The following PEX19 variants were observed in gnomAD, a reference collection of about 807,000 sequenced individuals.
The protein encoded by PEX19 is 33 kDa housekeeping protein.
In PEX19, 29 loss-of-function variants were observed where a neutral mutation model predicts 36.3. The observed-to-expected ratio is 0.80, with a 90% CI of 0.60 to 1.09. PEX19 has a LOEUF of 1.09. Among genes scored for constraint, PEX19 ranks in the 50% least tolerant of loss-of-function variants. PEX19 has a pLI of 0.00. For missense variants in PEX19, 396 were observed against 368.1 expected (o/e 1.08, Z -0.62); for synonymous variants, 141 against 135.2 (o/e 1.04, Z -0.30).
In PEX19 at chr1:160,277,057, G is replaced by C; in HGVS notation, c.*2494C>G. On this transcript the variant is annotated 3_prime_UTR_variant, in exon 8 of 8. Transcript: ENST00000368072. The stretch of plus-strand genomic sequence containing the variant: ...GTGACACATTCTTGCTGAAGAACAA[G>C]TTCTCTGGAAGTGAAACTCAAATAG... The C allele has an allele frequency of 4.4e-6, 2 of 454,072 alleles. No homozygotes were observed. Among genetic ancestry groups the C allele is most frequent in the East Asian group, 6.9e-5 (1 of 14,396 alleles). 28.1% of individuals were successfully genotyped at this position (454,072 alleles called of 1,614,324 possible). A position where few individuals can be genotyped will look rare whatever the true frequency, so the allele number is the denominator to read the frequency against.
rs1308718029 is a variant in PEX19 at position 160,279,360 on chromosome 1, T to C, written c.*191A>G. The C allele has an allele frequency of 5.7e-6, 4 of 697,324 alleles. No homozygotes were observed. Among genetic ancestry groups the C allele is most frequent in the Non-Finnish European group, 1.0e-5 (4 of 383,142 alleles). The allele number at this position is 697,324 out of a possible 1,614,324, so 43.2% of individuals were successfully genotyped here. On this transcript the variant is annotated 3_prime_UTR_variant, in exon 8 of 8. Transcript: ENST00000368072. ...TGGAGTAGGGTTCACAGAAATGGCCTGTGAAACAGACCCTATTCCTAGAGA... is the reference window on the plus strand; with the variant it reads ...TGGAGTAGGGTTCACAGAAATGGCCCGTGAAACAGACCCTATTCCTAGAGA...
At chr1:160,280,317 T>A in intron 5 of PEX19, 71 bp from the exon 6 acceptor site, 1 of 1,389,348 alleles carries the variant, frequency 7.2e-7, no homozygotes, top group Non-Finnish European at 1.0e-6. Flanking sequence ...CAGAACAATG[T>A]GATTAAAATG....
At chr1:160,283,508 C>A in intron 2 of PEX19, 22 bp downstream of exon 2, 1 of 1,555,432 alleles carries the variant, frequency 6.4e-7, no homozygotes, top group Non-Finnish European at 8.9e-7. Flanking sequence ...CTCCCCATCC[C>A]TTAAGGGGGT....
In PEX19 at chr1:160,276,844, A is replaced by G. The variant is rs1264189670; in HGVS notation, c.*2707T>C. 1 of 398,804 alleles carries G rather than the reference A, an allele frequency of 2.5e-6. No homozygotes were observed. The highest frequency in any genetic ancestry group is 4.9e-6 in the Non-Finnish European group (1 of 203,602). The allele number at this position is 398,804 out of a possible 1,614,324, so 24.7% of individuals were successfully genotyped here. ...AAAAGTCTGTATTAATTCAATTCTT[A>G]ATTCATGAAGCCACCCATACAATCA... On this transcript the variant is annotated 3_prime_UTR_variant, in exon 8 of 8. Coordinates refer to ENST00000368072, the MANE Select transcript of PEX19 (RefSeq NM_002857.4).
chr1:160,278,884 AG>A lies in PEX19; in HGVS notation c.*666del, dbSNP rs1398473543. 2 of 454,054 alleles carry A rather than the reference AG, an allele frequency of 4.4e-6. No homozygotes were observed. The highest frequency in any genetic ancestry group is 2.3e-5 in the Admixed American group (1 of 42,578). The allele number at this position is 454,054 out of a possible 1,614,324, so 28.1% of individuals were successfully genotyped here. Reference sequence around the variant, plus strand: ...GTTCACCCATATCACACAGCATTGTAGGAAGAAGCAGGGTAACCATTTGAGT... The same window carrying A: ...GTTCACCCATATCACACAGCATTGTAGAAGAAGCAGGGTAACCATTTGAGT... On this transcript the variant is annotated 3_prime_UTR_variant, in exon 8 of 8. Transcript: ENST00000368072.
chr1:160,283,851 G>T (rs1182759851), intron 1 of PEX19, among the ~76,000 whole-genome samples: 1 of 152,182 alleles, frequency 6.6e-6, no homozygotes, highest in East Asian at 1.9e-4. Context: ...CAAAGGCAAA[G>T]AAATCCCTTA....
In PEX19 at chr1:160,278,521, T is replaced by G; in HGVS notation, c.*1030A>C. Reference sequence around the variant, plus strand: ...TTATTATATTCTGCCCCATGGGGCCTTGCAGGAAAAGGGACCCAAGCTATA... The same window carrying G: ...TTATTATATTCTGCCCCATGGGGCCGTGCAGGAAAAGGGACCCAAGCTATA... On this transcript the variant is annotated 3_prime_UTR_variant, in exon 8 of 8. Coordinates refer to ENST00000368072, the MANE Select transcript of PEX19 (RefSeq NM_002857.4). 4.2e-6 allele frequency: 2 copies of G among 478,294 alleles called. No individual in the cohort carries two copies. The highest frequency in any genetic ancestry group is 8.2e-6 in the Non-Finnish European group (2 of 243,444). The allele number at this position is 478,294 out of a possible 1,614,324, so 29.6% of individuals were successfully genotyped here.
chr1:160,277,756 A>C lies in PEX19; in HGVS notation c.*1795T>G. ...CTTTTGTTCTTCCCTCCTCCTCTCTATCCTTGTCCAGTTTTTGGCTGGAGC... is the reference window on the plus strand; with the variant it reads ...CTTTTGTTCTTCCCTCCTCCTCTCTCTCCTTGTCCAGTTTTTGGCTGGAGC... On this transcript the variant is annotated 3_prime_UTR_variant, in exon 8 of 8. Coordinates refer to ENST00000368072, the MANE Select transcript of PEX19 (RefSeq NM_002857.4). 1 of 469,242 alleles carries C rather than the reference A, an allele frequency of 2.1e-6. No homozygotes were observed. Among genetic ancestry groups the C allele is most frequent in the Non-Finnish European group, 4.2e-6 (1 of 237,332 alleles). The allele number at this position is 469,242 out of a possible 1,614,324, so 29.1% of individuals were successfully genotyped here. A position where few individuals can be genotyped will look rare whatever the true frequency, so the allele number is the denominator to read the frequency against.
At position 160,279,845 on chromosome 1, in the gene PEX19, G is replaced by C. The variant is rs752093054; in HGVS notation, c.772C>G (p.Leu258Val). ...TTTGGAGGATGGCCTAAATCTTGTA[G>C]CTAGAAAATAAGGAAAATGGAACAT... ...FEMVLDLMQQLQDLGHPPKEL... is the reference protein window; with the variant it reads ...FEMVLDLMQQVQDLGHPPKEL... Residue 258 changes from leucine (L) to valine (V), a missense_variant and splice_region_variant, in exon 7 of 8, where the codon CTA (leucine) becomes GTA (valine). By Grantham distance (32) the Leu-to-Val change is conservative. Transcript: ENST00000368072. The C allele has an allele frequency of 5.6e-6, 9 of 1,611,844 alleles. No individual in the cohort carries two copies. The highest frequency in any genetic ancestry group is 7.6e-6 in the Non-Finnish European group (9 of 1,178,010).
At chr1:160,281,687 TGA>T (rs1657777578) in intron 5 of PEX19, among the ~76,000 whole-genome samples, 1 of 152,246 alleles carries the variant, frequency 6.6e-6, no homozygotes, top group Non-Finnish European at 1.5e-5. Context: ...ATTACAGGCA[TGA>T]GCCACCATGC....
Position 160,279,863 on chromosome 1 carries a change from T to C in PEX19, c.772-18A>G, listed in dbSNP as rs1657699342. The C allele has an allele frequency of 6.2e-7, 1 of 1,607,680 alleles. No individual in the cohort carries two copies. The highest frequency in any genetic ancestry group is 8.5e-7 in the Non-Finnish European group (1 of 1,174,238). On this transcript the variant is annotated intron_variant, in intron 6 of 7. Coordinates refer to ENST00000368072, the MANE Select transcript of PEX19 (RefSeq NM_002857.4). ...TCTTGTAGCTAGAAAATAAGGAAAA[T>C]GGAACATGAAATAGAGAAAAGCCCA...
chr1:160,279,729 A>C, intron 7 of PEX19, 72 bp downstream of exon 7: 1 of 1,545,758 alleles, frequency 6.5e-7, no homozygotes, highest in Non-Finnish European at 8.9e-7. Flanking sequence ...CCTTAGGTGG[A>C]ATCCTGAGAG....
chr1:160,280,340 G>A, intron 5 of PEX19, 94 bp from the exon 6 acceptor site: 1 of 1,273,040 alleles, frequency 7.9e-7, no homozygotes, highest in Non-Finnish European at 1.1e-6. Context: ...AAAGGGAAAG[G>A]GACGTAGAAA....
Position 160,282,205 on chromosome 1 carries a change from A to C in PEX19, c.433-5T>G. On this transcript the variant is annotated splice_region_variant and splice_polypyrimidine_tract_variant and intron_variant, in intron 4 of 7. Transcript: ENST00000368072. Reference sequence around the variant, plus strand: ...TTCTTCCGACATGCTGGAGTTCTAGATAGGACAAGTAAGAGGTGAGCAGGT... The same window carrying C: ...TTCTTCCGACATGCTGGAGTTCTAGCTAGGACAAGTAAGAGGTGAGCAGGT... 1 of 1,614,052 alleles carries C rather than the reference A, an allele frequency of 6.2e-7. No individual in the cohort carries two copies. The highest frequency in any genetic ancestry group is 1.1e-5 in the South Asian group (1 of 91,072).
chr1:160,278,406 G>A lies in PEX19; in HGVS notation c.*1145C>T, dbSNP rs75916849. The A allele has an allele frequency of 3.6e-4, 233 of 651,264 alleles. No individual in the cohort carries two copies. In the East Asian group the frequency reaches 6.9e-3, roughly 19 times the overall value. 40.3% of individuals were successfully genotyped at this position (651,264 alleles called of 1,614,324 possible). A position where few individuals can be genotyped will look rare whatever the true frequency, so the allele number is the denominator to read the frequency against. On this transcript the variant is annotated 3_prime_UTR_variant, in exon 8 of 8. Transcript: ENST00000368072. ...TGATGGAACCCAGCATTACAATATT[G>A]TGTAGAACTAGTCTCCTAATATACC...
At chr1:160,283,202 T>C in intron 2 of PEX19, 93 bp from the exon 3 acceptor site, 1 of 1,345,642 alleles carries the variant, frequency 7.4e-7, no homozygotes, top group Non-Finnish European at 1.1e-6. Flanking sequence ...CTATGGGAAA[T>C]GCACCTCCCT....
Position 160,282,507 on chromosome 1 carries a change from G to T in PEX19, c.347-5C>A. 6.2e-7 allele frequency: 1 copy of T among 1,611,394 alleles called. No homozygotes were observed. Among genetic ancestry groups the T allele is most frequent in the South Asian group, 1.1e-5 (1 of 91,024 alleles). ...GTTGGGAGGTCATATCACTGCCTAGGAGAGATTAAAAAAGCCAGCGTCATT... is the reference window on the plus strand; with the variant it reads ...GTTGGGAGGTCATATCACTGCCTAGTAGAGATTAAAAAAGCCAGCGTCATT... On this transcript the variant is annotated splice_region_variant and splice_polypyrimidine_tract_variant and intron_variant, in intron 3 of 7. Coordinates refer to ENST00000368072, the MANE Select transcript of PEX19 (RefSeq NM_002857.4).
intron 1 of PEX19, chr1:160,284,214 C>T: frequency 2.1e-6 from 1 of 470,870 alleles, no homozygotes; most frequent in Non-Finnish European, 4.4e-6. Context: ...CTCCCTTTGG[C>T]CTGATCTCTG....
intron 1 of PEX19, 86 bp downstream of exon 1, chr1:160,284,969 C>T (rs1349774152): frequency 4.4e-5 from 44 of 1,008,254 alleles, no homozygotes; most frequent in South Asian, 7.6e-5. Flanking sequence ...CTCTCCTGCC[C>T]GTCCCTAATA....
Sources: allele counts gnomAD v4.1 joint callset (sites outside exome capture counted in the v4.1 genomes callset), GRCh38; gene constraint gnomAD v4.1.1; transcripts MANE v1.5; gene names NCBI Gene and HGNC (gene_info 2026-07-23, HGNC 2026-07-21).